The following PHLDB2 variants were observed in gnomAD, a reference collection of about 807,000 sequenced individuals.
PHLDB2 encodes the protein pleckstrin homology-like domain family B member 2.
A neutral mutation model predicts 123.6 loss-of-function variants in PHLDB2; 71 were observed. The ratio of observed to expected loss-of-function variants is 0.57; its 90% CI spans 0.47 to 0.70. PHLDB2 has a LOEUF of 0.70. Among genes scored for constraint, PHLDB2 ranks in the 30% least tolerant of loss-of-function variants. The probability of loss-of-function intolerance (pLI) is 0.00; values close to 1 mark genes in which losing one functional copy is unlikely to be tolerated. For missense variants in PHLDB2, 1,446 were observed against 1,519.5 expected (o/e 0.95, Z 0.80); for synonymous variants, 547 against 541.6 (o/e 1.01, Z -0.14).
chr3:111,930,900 C>T (rs2069106840), intron 5 of PHLDB2, among the ~76,000 whole-genome samples: 1 of 152,176 alleles, frequency 6.6e-6, no homozygotes, highest in Non-Finnish European at 1.5e-5. Context: ...AAGAAAATTA[C>T]ATTTCTAAAG....
intron 1 of PHLDB2, among the ~76,000 whole-genome samples, chr3:111,843,853 C>A (rs969142302): frequency 6.6e-6 from 1 of 152,064 alleles, no homozygotes; most frequent in African/African-American, 2.4e-5. Flanking sequence ...TTAAGTATAA[C>A]TTATGGAAGT....
chr3:111,805,319 G>C (rs1365930675), intron 1 of PHLDB2, among the ~76,000 whole-genome samples: 2 of 152,154 alleles, frequency 1.3e-5, no homozygotes, highest in Admixed American at 6.5e-5. Context: ...CCAGCACTTT[G>C]GGAGGCTGAG....
At chr3:111,949,957 C>A (rs892724342) in intron 10 of PHLDB2, 16 of 944,736 alleles carry the variant, frequency 1.7e-5, no homozygotes, top group Non-Finnish European at 1.9e-5. Context: ...TATGTGAAAT[C>A]TTTTCTTCTA....
At position 111,884,911 on chromosome 3, in the gene PHLDB2, G is replaced by A; in HGVS notation, c.834G>A (p.Leu278=). Residue 278 remains leucine (L), a synonymous_variant, in exon 2 of 18, where the codon CTG becomes CTA. Coordinates refer to ENST00000431670, the MANE Select transcript of PHLDB2 (RefSeq NM_001134438.2). ...TPLSLPPRNS[L]GNSKRTKLGE... ...TCAGCTTGCCTCCAAGAAACTCTCT[G>A]GGCAATTCCAAACGAACAAAACTTG... The A allele has an allele frequency of 1.2e-6, 2 of 1,614,000 alleles. No individual in the cohort carries two copies. Among genetic ancestry groups the A allele is most frequent in the Non-Finnish European group, 1.7e-6 (2 of 1,179,976 alleles).
intron 2 of PHLDB2, among the ~76,000 whole-genome samples, chr3:111,893,646 T>A (rs1449283368): frequency 6.8e-6 from 1 of 146,900 alleles, no homozygotes; most frequent in Non-Finnish European, 1.5e-5. Flanking sequence ...GTCAATTCTC[T>A]ACCTTTTTTT....
Position 111,967,726 on chromosome 3 carries a change from C to T in PHLDB2, c.3217C>T (p.Arg1073Cys), listed in dbSNP as rs374441104. 2.1e-5 allele frequency: 34 copies of T among 1,611,904 alleles called. No homozygotes were observed. Among genetic ancestry groups the T allele is most frequent in the Admixed American group, 8.4e-5 (5 of 59,676 alleles). The change falls in exon 15 of 18, where the codon CGC becomes TGC. Residue 1073 changes from arginine (R) to cysteine (C), a missense_variant. Physicochemically the swap from Arg to Cys is radical, Grantham distance 180 (BLOSUM62 -3). This residue lies in a region of PHLDB2 where 594 missense variants were observed against 646.0 expected (regional missense o/e 0.92). Transcript: ENST00000431670. ...KKRALEEEKR[R>C]REILEKRLQE... ...ACGAGCCCTGGAAGAAGAAAAACGA[C>T]GCCGGGAAATCCTGGAAAAACGATT... is the stretch of plus-strand genomic sequence containing the variant.
At chr3:111,951,262 T>G (rs1160911242) in intron 10 of PHLDB2, among the ~76,000 whole-genome samples, 1 of 152,160 alleles carries the variant, frequency 6.6e-6, no homozygotes, top group African/African-American at 2.4e-5. Context: ...TTTGGCCAAG[T>G]TTATTTCACC....
chr3:111,758,750 G>A (rs183934602), intron 1 of PHLDB2, among the ~76,000 whole-genome samples: 153 of 152,154 alleles, frequency 1.0e-3, no homozygotes, highest in African/African-American at 3.4e-3. Flanking sequence ...ATCTTGGCTC[G>A]ACCACAAAAA....
At chr3:111,742,381 T>A (rs1490409681) in intron 1 of PHLDB2, among the ~76,000 whole-genome samples, 1 of 152,180 alleles carries the variant, frequency 6.6e-6, no homozygotes, top group African/African-American at 2.4e-5. Context: ...TACACATGTA[T>A]ACATGTGCCA....
chr3:111,786,247 G>A (rs2060675644), intron 1 of PHLDB2, among the ~76,000 whole-genome samples: 1 of 152,142 alleles, frequency 6.6e-6, no homozygotes, highest in African/African-American at 2.4e-5. Context: ...TCGTTATGCT[G>A]TATCGTTTAA....
chr3:111,815,494 G>A lies in PHLDB2; in HGVS notation c.-48-30327G>A, dbSNP rs1347073536. Among the ~76,000 whole-genome samples, 4 of 152,290 alleles carry A rather than the reference G, an allele frequency of 2.6e-5. No individual in the cohort carries two copies. The East Asian group carries it at 7.7e-4, about 29-fold the overall frequency. On this transcript the variant is annotated intron_variant, in intron 1 of 17. Coordinates refer to the PHLDB2 transcript ENST00000393923. ...GATGAGGAATTTGTTGGAAACTAGA[G>A]CAAAGATGATTCTTGCTTTGTTTTA...
intron 1 of PHLDB2, among the ~76,000 whole-genome samples, chr3:111,733,874 T>C (rs1017153492): frequency 2.0e-5 from 3 of 152,228 alleles, no homozygotes; most frequent in African/African-American, 7.2e-5. Flanking sequence ...CCTATAGTCA[T>C]TAGTTAGAAG....
At chr3:111,908,749 C>G (rs2067699541) in intron 2 of PHLDB2, among the ~76,000 whole-genome samples, 1 of 152,204 alleles carries the variant, frequency 6.6e-6, no homozygotes, top group African/African-American at 2.4e-5. Context: ...GGATTTATCT[C>G]TAAAACAGAC....
At chr3:111,894,518 C>G (rs371979420) in intron 2 of PHLDB2, among the ~76,000 whole-genome samples, 1,546 of 151,846 alleles carry the variant, frequency 0.01, 20 homozygotes, top group African/African-American at 0.031. Context: ...CTAGTTTACA[C>G]TCCCACCAAC....
At chr3:111,945,858 A>G (rs1374534191) in intron 9 of PHLDB2, among the ~76,000 whole-genome samples, 1 of 151,824 alleles carries the variant, frequency 6.6e-6, no homozygotes, top group African/African-American at 2.4e-5. Context: ...TCCCCTCTAA[A>G]CTGGAAAGTC....
upstream of PHLDB2, among the ~76,000 whole-genome samples, chr3:111,855,125 A>C (rs1176374033): frequency 6.6e-6 from 1 of 152,184 alleles, no homozygotes; most frequent in South Asian, 2.1e-4. Context: ...TCAGCATGGC[A>C]GATTAGCATC....
At chr3:111,845,259 G>A (rs1270084147) in intron 1 of PHLDB2, among the ~76,000 whole-genome samples, 2 of 147,402 alleles carry the variant, frequency 1.4e-5, no homozygotes, top group Admixed American at 7.0e-5. Context: ...GGAGGCTGAC[G>A]CAGGAGAATT....
intron 1 of PHLDB2, among the ~76,000 whole-genome samples, chr3:111,760,534 G>A (rs80101038): frequency 0.05 from 7,652 of 152,194 alleles, 645 homozygotes; most frequent in African/African-American, 0.17. Context: ...TAGCAAAGTT[G>A]GAGTTCTTTT....
At chr3:111,774,144 A>G (rs1452184595) in intron 1 of PHLDB2, among the ~76,000 whole-genome samples, 2 of 152,202 alleles carry the variant, frequency 1.3e-5, no homozygotes, top group African/African-American at 4.8e-5. Context: ...AGCCAGTGCC[A>G]GGGAGGGCTC....
Sources: allele counts gnomAD v4.1 joint callset (sites outside exome capture counted in the v4.1 genomes callset), GRCh38; gene constraint gnomAD v4.1.1; regional missense constraint gnomAD v4.1.1; transcripts MANE v1.5; gene names NCBI Gene and HGNC (gene_info 2026-07-23, HGNC 2026-07-21).